The following ATAD2B variants were observed in gnomAD, a reference collection of about 807,000 sequenced individuals.
ATAD2B encodes the protein ATPase family AAA domain-containing protein 2B.
ATAD2B carries 40 observed loss-of-function variants against 167.6 expected under a neutral mutation model. The observed-to-expected ratio is 0.24, with a 90% CI of 0.19 to 0.31. ATAD2B has a LOEUF of 0.31. ATAD2B is among the 10% of genes least tolerant of loss of function. The pLI is 1.00. For synonymous variants in ATAD2B, 579 were observed against 596.5 expected (o/e 0.97, Z 0.43); for missense variants, 1,242 against 1,757.2 (o/e 0.71, Z 5.24).
the ATAD2B span, among the ~76,000 whole-genome samples, chr2:23,716,460 T>C: frequency 6.6e-6 from 1 of 151,998 alleles, no homozygotes; most frequent in African/African-American, 2.4e-5. Flanking sequence ...GTTGTTGTTG[T>C]TGTTGTTGTT....
intron 19 of ATAD2B, among the ~76,000 whole-genome samples, chr2:23,795,884 A>AAAAAAAG (rs538518639): frequency 7.9e-5 from 12 of 152,016 alleles, no homozygotes; most frequent in Admixed American, 5.9e-4. Flanking sequence ...ATCTCAAAAA[A>AAAAAAAG]AAAAAAGAAA....
At chr2:23,834,230 C>T (rs1192302941) in intron 13 of ATAD2B, among the ~76,000 whole-genome samples, 152 bp from the exon 14 acceptor site, 2 of 123,390 alleles carry the variant, frequency 1.6e-5, no homozygotes, top group Admixed American at 1.2e-4. Flanking sequence ...GGTGCAATCT[C>T]GGCTCACTGC....
chr2:23,785,809 A>G, intron 21 of ATAD2B: 1 of 445,672 alleles, frequency 2.2e-6, no homozygotes, highest in Non-Finnish European at 3.9e-6. Flanking sequence ...AAAGGTTAAT[A>G]ATAATTAAGA....
In ATAD2B at chr2:23,859,619, T is replaced by C. The variant is rs191413922; in HGVS notation, c.1480-2116A>G. On this transcript the variant is annotated intron_variant, in intron 12 of 27. Coordinates refer to ENST00000238789, the MANE Select transcript of ATAD2B (RefSeq NM_017552.4). ...TTTATCTTTTGAATTAGTATTGCTATGGTTTGAGTTTGTCCCCTCCAAAAC... is the reference window on the plus strand; with the variant it reads ...TTTATCTTTTGAATTAGTATTGCTACGGTTTGAGTTTGTCCCCTCCAAAAC... Among the ~76,000 whole-genome samples, 8 of 152,304 alleles carry C rather than the reference T, an allele frequency of 5.3e-5. No individual in the cohort carries two copies. In the East Asian group the frequency reaches 1.4e-3, roughly 26 times the overall value.
intron 17 of ATAD2B, among the ~76,000 whole-genome samples, chr2:23,810,863 T>C (rs1451841715): frequency 6.6e-6 from 1 of 151,872 alleles, no homozygotes; most frequent in Non-Finnish European, 1.5e-5. Context: ...ATACAAAAAT[T>C]AGCTGGCTGT....
intron 13 of ATAD2B, 56 bp from the exon 14 acceptor site, chr2:23,834,134 T>C: frequency 1.9e-6 from 1 of 514,570 alleles, no homozygotes; most frequent in Non-Finnish European, 3.1e-6. Flanking sequence ...CTGCTTACAA[T>C]AACGTTTATC....
the ATAD2B span, among the ~76,000 whole-genome samples, chr2:23,712,280 T>C: frequency 6.6e-6 from 1 of 152,358 alleles, no homozygotes; most frequent in Admixed American, 6.5e-5. Context: ...CAGAGAACTC[T>C]GTGAATGGGA....
intron 10 of ATAD2B, chr2:23,865,871 T>G (rs1290103326): frequency 2.8e-6 from 1 of 355,384 alleles, no homozygotes; most frequent in Non-Finnish European, 3.9e-6. Flanking sequence ...GCTAGAAAGC[T>G]TTGTAAGAAA....
chr2:23,913,994 C>T (rs1016335494), intron 1 of ATAD2B, among the ~76,000 whole-genome samples: 1 of 152,012 alleles, frequency 6.6e-6, no homozygotes, highest in African/African-American at 2.4e-5. Context: ...ATGGACCAGG[C>T]ATGGTGGCTT....
Position 23,884,059 on chromosome 2 carries a change from G to A in ATAD2B, c.784+706C>T, listed in dbSNP as rs919179766. Among the ~76,000 whole-genome samples the A allele has an allele frequency of 6.6e-5, 10 of 152,184 alleles. No individual in the cohort carries two copies. In the East Asian group the frequency reaches 7.7e-4, roughly 12 times the overall value. On this transcript the variant is annotated intron_variant, in intron 6 of 27. Coordinates refer to ENST00000238789, the MANE Select transcript of ATAD2B (RefSeq NM_017552.4). Reference sequence around the variant, plus strand: ...CTCGAAAGGCTGAGGCAGGAGAATCGCTTGAACCCAGGAGGCGGAGGTTGC... The same window carrying A: ...CTCGAAAGGCTGAGGCAGGAGAATCACTTGAACCCAGGAGGCGGAGGTTGC...
intron 14 of ATAD2B, among the ~76,000 whole-genome samples, chr2:23,831,474 T>C (rs1266221097): frequency 6.6e-6 from 1 of 152,204 alleles, no homozygotes. Flanking sequence ...TTTAAATTAA[T>C]GACCCAAATG....
intron 19 of ATAD2B, among the ~76,000 whole-genome samples, chr2:23,797,638 T>C (rs1226456793): frequency 6.6e-6 from 1 of 152,132 alleles, no homozygotes; most frequent in Non-Finnish European, 1.5e-5. Context: ...TATGTGCATA[T>C]ATATATAACG....
chr2:23,884,977 C>T, intron 5 of ATAD2B, 104 bp from the exon 6 acceptor site: 1 of 490,998 alleles, frequency 2.0e-6, no homozygotes, highest in Non-Finnish European at 3.4e-6. Flanking sequence ...TATTGAGCAC[C>T]TATTTGCGTG....
chr2:23,882,970 G>A (rs1049361228), intron 6 of ATAD2B, among the ~76,000 whole-genome samples: 5 of 151,990 alleles, frequency 3.3e-5, no homozygotes, highest in Admixed American at 3.3e-4. Context: ...ACTTAGGGAA[G>A]TAGAAGACTA....
rs1040839439 is a variant in ATAD2B at position 23,749,858 on chromosome 2, A to T, written c.*2188T>A. On this transcript the variant is annotated 3_prime_UTR_variant, in exon 28 of 28. Transcript: ENST00000238789. ...TAGTAACCTACTAAGAAACATGTGC[A>T]TTTTTTTTTCCTTTCACAAGTGCTG... 7 of 151,444 alleles carry T rather than the reference A, an allele frequency of 4.6e-5. No individual in the cohort carries two copies. The highest frequency in any genetic ancestry group is 9.7e-5 in the African/African-American group (4 of 41,314). 9.4% of individuals were successfully genotyped at this position (151,444 alleles called of 1,614,324 possible). A position where few individuals can be genotyped will look rare whatever the true frequency, so the allele number is the denominator to read the frequency against.
intron 13 of ATAD2B, among the ~76,000 whole-genome samples, chr2:23,843,398 T>C (rs1691241773): frequency 6.6e-6 from 1 of 152,292 alleles, no homozygotes; most frequent in East Asian, 1.9e-4. Flanking sequence ...ATGGCTAAAC[T>C]GTTGAAAGTA....
At chr2:23,693,906 A>T in the ATAD2B span, among the ~76,000 whole-genome samples, 5 of 152,286 alleles carry the variant, frequency 3.3e-5, no homozygotes, top group Non-Finnish European at 7.4e-5. Context: ...ATGCAGGAAG[A>T]GGGAGAGTGA....
At chr2:23,804,615 G>T (rs1684042205) in intron 18 of ATAD2B, among the ~76,000 whole-genome samples, 1 of 150,290 alleles carries the variant, frequency 6.7e-6, no homozygotes, top group African/African-American at 2.5e-5. Flanking sequence ...ACCAGAGGAT[G>T]AAGTTAGAAT....
At chr2:23,690,118 T>A in the ATAD2B span, 1 of 152,258 alleles carries the variant, frequency 6.6e-6, no homozygotes, top group South Asian at 2.1e-4. Context: ...CCTCCCCCTC[T>A]CCTCCTGGCC....
Sources: allele counts gnomAD v4.1 joint callset (sites outside exome capture counted in the v4.1 genomes callset), GRCh38; gene constraint gnomAD v4.1.1; transcripts MANE v1.5; gene names NCBI Gene and HGNC (gene_info 2026-07-23, HGNC 2026-07-21).